Variants in CNTNAP4 observed in about 807,000 individuals in gnomAD.
The protein encoded by CNTNAP4 is contactin associated protein family member 4.
Under a neutral mutation model 148.4 loss-of-function variants are expected in CNTNAP4, and 98 were observed. The observed-to-expected ratio is 0.66, with a 90% confidence interval of 0.56 to 0.78. The LOEUF is 0.78. CNTNAP4 is among the 30% of genes least tolerant of loss of function. CNTNAP4 has a pLI of 0.00. For synonymous variants in CNTNAP4, 730 were observed against 565.1 expected (o/e 1.29, Z -4.14); for missense variants, 1,935 against 1,565.6 (o/e 1.24, Z -3.98).
intron 2 of CNTNAP4, among the ~76,000 whole-genome samples, chr16:76,340,573 A>G (rs560308974): frequency 1.3e-5 from 2 of 152,120 alleles, no homozygotes; most frequent in South Asian, 4.2e-4. Flanking sequence ...CCACATCACC[A>G]AGTCCTGCCA....
At chr16:76,395,118 A>G (rs900082781) in intron 3 of CNTNAP4, among the ~76,000 whole-genome samples, 2 of 152,306 alleles carry the variant, frequency 1.3e-5, no homozygotes, top group Non-Finnish European at 2.9e-5. Flanking sequence ...ATGACAATCA[A>G]TGGAAGCCAA....
chr16:76,348,856 C>CAAAAA (rs1490370843), intron 2 of CNTNAP4, among the ~76,000 whole-genome samples: 10 of 14,254 alleles, frequency 7.0e-4, no homozygotes, highest in Non-Finnish European at 9.1e-4. Flanking sequence ...TTAAAAGAAG[C>CAAAAA]CAAAAAAAAA....
At chr16:76,352,534 G>C (rs749352932) in intron 2 of CNTNAP4, among the ~76,000 whole-genome samples, 42 of 152,142 alleles carry the variant, frequency 2.8e-4, no homozygotes, top group Admixed American at 1.3e-3. Context: ...GGTGCCTCTT[G>C]CCTGCTCCAT....
At chr16:76,542,304 T>A (rs1439571898) in intron 21 of CNTNAP4, among the ~76,000 whole-genome samples, 1 of 152,234 alleles carries the variant, frequency 6.6e-6, no homozygotes, top group Non-Finnish European at 1.5e-5. Context: ...GGTATGTAAC[T>A]ATCTAGCTCT....
chr16:76,286,893 A>G (rs182308420), intron 1 of CNTNAP4, among the ~76,000 whole-genome samples: 1 of 152,304 alleles, frequency 6.6e-6, no homozygotes, highest in Admixed American at 6.5e-5. Context: ...CATTGCTAAA[A>G]TAAAAGCAAT....
At chr16:76,442,880 C>A (rs1270531923) in intron 4 of CNTNAP4, among the ~76,000 whole-genome samples, 1 of 152,116 alleles carries the variant, frequency 6.6e-6, no homozygotes, top group Non-Finnish European at 1.5e-5. Context: ...AAATAATATA[C>A]TTGCTCAAGT....
intron 8 of CNTNAP4, among the ~76,000 whole-genome samples, chr16:76,461,565 T>C (rs1287299913): frequency 1.3e-5 from 2 of 152,206 alleles, no homozygotes; most frequent in Non-Finnish European, 2.9e-5. Flanking sequence ...AAATACTCTA[T>C]TATCCTACCA....
Position 76,464,379 on chromosome 16 carries a change from T to C in CNTNAP4, c.1483+2274T>C, listed in dbSNP as rs534689616. 2.3e-3 allele frequency among the ~76,000 whole-genome samples: 346 copies of C among 152,214 alleles called. 1 individual carries two copies. The highest frequency in any genetic ancestry group is 7.7e-3 in the African/African-American group (321 of 41,536). ...CTGGCTGGTACAGGCAGTGGGGTGA[T>C]CAACTCTTGCCAACTTTAGCTGAAC... On this transcript the variant is annotated intron_variant, in intron 9 of 23. Coordinates refer to ENST00000611870, the MANE Select transcript of CNTNAP4 (RefSeq NM_033401.5).
At chr16:76,480,251 A>G (rs766766154) in intron 12 of CNTNAP4, among the ~76,000 whole-genome samples, 6 of 152,328 alleles carry the variant, frequency 3.9e-5, no homozygotes, top group African/African-American at 7.2e-5. Flanking sequence ...ATAAACTATT[A>G]GGATTGTCAT....
chr16:76,502,062 C>T (rs909862018), intron 15 of CNTNAP4, among the ~76,000 whole-genome samples: 1 of 144,604 alleles, frequency 6.9e-6, no homozygotes, highest in Non-Finnish European at 1.5e-5. Context: ...GAGCGAGACT[C>T]CGTCTCAAAA....
At chr16:76,465,412 C>T (rs150369278) in intron 9 of CNTNAP4, among the ~76,000 whole-genome samples, 2 of 152,140 alleles carry the variant, frequency 1.3e-5, no homozygotes, top group African/African-American at 4.8e-5. Context: ...TGAATTGCCT[C>T]ATGATAGGAT....
intron 3 of CNTNAP4, among the ~76,000 whole-genome samples, chr16:76,363,712 G>C (rs908610464): frequency 6.6e-6 from 1 of 152,146 alleles, no homozygotes; most frequent in Non-Finnish European, 1.5e-5. Context: ...TAAAGAATGA[G>C]AGAAATATTT....
chr16:76,491,974 A>T (rs755960874), intron 13 of CNTNAP4, among the ~76,000 whole-genome samples: 1 of 152,194 alleles, frequency 6.6e-6, no homozygotes, highest in African/African-American at 2.4e-5. Context: ...CATCTCTTCA[A>T]GATACTGAAG....
At chr16:76,362,027 C>T (rs2013500179) in intron 3 of CNTNAP4, among the ~76,000 whole-genome samples, 2 of 151,928 alleles carry the variant, frequency 1.3e-5, no homozygotes. Context: ...GTTTTTTCCC[C>T]TTTTTATGCT....
intron 15 of CNTNAP4, among the ~76,000 whole-genome samples, chr16:76,514,667 T>C (rs2083175543): frequency 1.8e-5 from 2 of 110,004 alleles, no homozygotes; most frequent in Non-Finnish European, 4.3e-5. Flanking sequence ...TATAATTATC[T>C]CCAGCCAGAT....
Position 76,507,760 on chromosome 16 carries a change from A to C in CNTNAP4, c.2365+9066A>C, listed in dbSNP as rs1161035987. On this transcript the variant is annotated intron_variant, in intron 15 of 23. Coordinates refer to ENST00000611870, the MANE Select transcript of CNTNAP4 (RefSeq NM_033401.5). ...AGAGTAGAAGCCTAGGCATTCATAC[A>C]CAGGGTTAAACCTACTTTCTTGACA... Among the ~76,000 whole-genome samples, 5 of 95,366 alleles carry C rather than the reference A, an allele frequency of 5.2e-5. 2 individuals carry two copies. Among genetic ancestry groups the C allele is most frequent in the Admixed American group, 5.1e-4 (5 of 9,744 alleles). 62.6% of individuals were successfully genotyped at this position (95,366 alleles called of 152,430 possible).
intron 2 of CNTNAP4, among the ~76,000 whole-genome samples, chr16:76,328,388 G>A (rs1325745029): frequency 6.6e-6 from 1 of 152,072 alleles, no homozygotes; most frequent in Non-Finnish European, 1.5e-5. Flanking sequence ...AAATGTTAAG[G>A]TTGTCAAAAA....
chr16:76,375,219 C>T (rs566817283), intron 3 of CNTNAP4, among the ~76,000 whole-genome samples: 4 of 151,904 alleles, frequency 2.6e-5, no homozygotes, highest in Non-Finnish European at 5.9e-5. Flanking sequence ...GTCAGAAGTT[C>T]GAGACCAGCC....
chr16:76,298,930 G>C (rs1171905257), intron 1 of CNTNAP4, among the ~76,000 whole-genome samples: 1 of 152,110 alleles, frequency 6.6e-6, no homozygotes, highest in Non-Finnish European at 1.5e-5. Flanking sequence ...TAATGATTGT[G>C]ACTTGATGTT....
Sources: gnomAD v4.1 joint callset for allele counts (sites outside exome capture counted in the v4.1 genomes callset) on GRCh38, gnomAD v4.1.1 for gene constraint, MANE v1.5 for transcripts, NCBI Gene and HGNC (gene_info 2026-07-23, HGNC 2026-07-21) for gene names.